UBE2V2: variants seen among roughly 807,000 people sequenced by gnomAD.
UBE2V2 encodes ubiquitin conjugating enzyme E2 V2.
UBE2V2 carries 9 observed loss-of-function variants against 17.2 expected under a neutral mutation model. That is an observed-to-expected ratio of 0.52 (90% confidence interval 0.32 to 0.91). UBE2V2 has a LOEUF of 0.91. Among genes scored for constraint, UBE2V2 ranks in the 40% least tolerant of loss-of-function variants. The pLI is 0.04. For missense variants in UBE2V2, 133 were observed against 182.6 expected, an observed-to-expected ratio of 0.73 and a Z score of 1.56; for synonymous variants, 61 against 57.5, an observed-to-expected ratio of 1.06 and a Z score of -0.28.
At chr8:48,002,085 C>T in the UBE2V2 span, among the ~76,000 whole-genome samples, 1 of 149,986 alleles carries the variant, frequency 6.7e-6, no homozygotes, top group African/African-American at 2.5e-5. Flanking sequence ...GAAACTCCGA[C>T]TCAGAAAAAA....
intron 3 of UBE2V2, among the ~76,000 whole-genome samples, chr8:48,058,980 C>T (rs1188355700): frequency 1.3e-5 from 2 of 152,012 alleles, no homozygotes; most frequent in Non-Finnish European, 2.9e-5. Context: ...GATCTCAGCT[C>T]ACTGCAACCT....
chr8:48,014,979 G>A lies in UBE2V2; in HGVS notation c.16+6509G>A, dbSNP rs138112210. ...GCAGTAGAATGGCATGAACCCGGGA[G>A]GCGGAGCTTGCAGTGAGCTGAGATT... On this transcript the variant is annotated intron_variant, in intron 1 of 3. Transcript: ENST00000523111. Among the ~76,000 whole-genome samples the A allele has an allele frequency of 1.5e-3, 222 of 151,296 alleles. 4 individuals are homozygous for A. The East Asian group carries it at 0.031, about 21-fold the overall frequency.
At chr8:48,010,874 A>G (rs2091224988) in intron 1 of UBE2V2, among the ~76,000 whole-genome samples, 1 of 143,250 alleles carries the variant, frequency 7.0e-6, no homozygotes, top group African/African-American at 2.6e-5. Context: ...ATTTTTTTGT[A>G]TATATATATT....
At chr8:48,050,860 T>C (rs2091532293) in intron 3 of UBE2V2, among the ~76,000 whole-genome samples, 1 of 152,174 alleles carries the variant, frequency 6.6e-6, no homozygotes, top group Admixed American at 6.6e-5. Flanking sequence ...CAGTCATGGC[T>C]GAGCATCATT....
At chr8:48,013,474 AT>A (rs1287936747) in intron 1 of UBE2V2, among the ~76,000 whole-genome samples, 1 of 151,404 alleles carries the variant, frequency 6.6e-6, no homozygotes, top group Non-Finnish European at 1.5e-5. Context: ...TGCCCGGTTA[AT>A]TTTTTTTGTA....
chr8:48,048,482 C>T (rs529418427), intron 2 of UBE2V2, among the ~76,000 whole-genome samples: 1 of 152,114 alleles, frequency 6.6e-6, no homozygotes, highest in Non-Finnish European at 1.5e-5. Flanking sequence ...ATTGCTGTAT[C>T]ATAGGGGAGT....
At chr8:48,010,074 A>G (rs1490490155) in intron 1 of UBE2V2, among the ~76,000 whole-genome samples, 1 of 152,198 alleles carries the variant, frequency 6.6e-6, no homozygotes, top group African/African-American at 2.4e-5. Flanking sequence ...CAATTTTTTC[A>G]TAACACTATA....
At chr8:48,002,835 G>T in the UBE2V2 span, among the ~76,000 whole-genome samples, 1 of 152,078 alleles carries the variant, frequency 6.6e-6, no homozygotes, top group African/African-American at 2.4e-5. Context: ...AATATGATAC[G>T]TATGGTAATG....
At chr8:48,004,932 A>C (rs1329584923), upstream of UBE2V2, among the ~76,000 whole-genome samples, 7 of 148,870 alleles carry the variant, frequency 4.7e-5, no homozygotes, top group Admixed American at 4.0e-4. Context: ...GGCTCAAGTG[A>C]TCCTCCCATC....
intron 1 of UBE2V2, among the ~76,000 whole-genome samples, chr8:48,036,889 A>ATT (rs1563855096): frequency 6.6e-6 from 1 of 151,944 alleles, no homozygotes; most frequent in Non-Finnish European, 1.5e-5. Flanking sequence ...TAGTTAATAT[A>ATT]TATGAGCTGG....
chr8:47,999,724 A>G, the UBE2V2 span, among the ~76,000 whole-genome samples: 2 of 152,146 alleles, frequency 1.3e-5, no homozygotes, highest in Non-Finnish European at 2.9e-5. Context: ...ACTTATAAGT[A>G]AGTATGTAGC....
chr8:48,027,974 C>T (rs936293840), intron 1 of UBE2V2, among the ~76,000 whole-genome samples: 1 of 152,010 alleles, frequency 6.6e-6, no homozygotes, highest in Non-Finnish European at 1.5e-5. Flanking sequence ...CTGCCTCAAC[C>T]TCCCAAGTAG....
At chr8:48,058,195 G>T (rs923314580) in intron 3 of UBE2V2, among the ~76,000 whole-genome samples, 1 of 152,138 alleles carries the variant, frequency 6.6e-6, no homozygotes, top group African/African-American at 2.4e-5. Context: ...TTGGCCGGGC[G>T]TGGTGGCTCA....
intron 1 of UBE2V2, among the ~76,000 whole-genome samples, chr8:48,009,496 C>G (rs898881154): frequency 6.6e-6 from 1 of 152,148 alleles, no homozygotes; most frequent in Non-Finnish European, 1.5e-5. Context: ...GAACTCCTGA[C>G]CTCAGGTGAT....
intron 2 of UBE2V2, chr8:48,049,543 G>A (rs959001444): frequency 1.6e-5 from 3 of 192,126 alleles, no homozygotes; most frequent in African/African-American, 4.7e-5. Context: ...TTCCTTCTTC[G>A]TTCTAATTTG....
chr8:48,020,955 C>T (rs1474462106), intron 1 of UBE2V2, among the ~76,000 whole-genome samples: 2 of 151,028 alleles, frequency 1.3e-5, no homozygotes, highest in Admixed American at 6.6e-5. Flanking sequence ...CTATATTGCC[C>T]AGGCTAGCTT....
At chr8:48,032,541 C>T (rs1240928006) in intron 1 of UBE2V2, among the ~76,000 whole-genome samples, 1 of 152,036 alleles carries the variant, frequency 6.6e-6, no homozygotes, top group Non-Finnish European at 1.5e-5. Context: ...CCCCTTGAGC[C>T]TGGGAGTTTG....
Position 48,043,137 on chromosome 8 carries a change from A to C in UBE2V2, c.121A>C (p.Met41Leu). The C allele has an allele frequency of 6.3e-7, 1 of 1,591,964 alleles. No homozygotes were observed. The highest frequency in any genetic ancestry group is 8.6e-7 in the Non-Finnish European group (1 of 1,166,896). The change falls in exon 2 of 4, where the codon ATG (methionine) becomes CTG (leucine). Residue 41 changes from methionine (M) to leucine (L), a missense_variant. This residue lies in a region of UBE2V2 where 92 missense variants were observed against 124.3 expected (regional missense o/e 0.74). Transcript: ENST00000523111. ...VSWGLEDDED[M>L]TLTRWTGMII... is the part of the protein sequence containing the mutation. Reference sequence around the variant, plus strand: ...CTGGGGCCTTGAAGATGATGAAGATATGACACTTACAAGGTGGACAGGCAT... The same window carrying C: ...CTGGGGCCTTGAAGATGATGAAGATCTGACACTTACAAGGTGGACAGGCAT...
chr8:47,998,561 C>A, the UBE2V2 span, among the ~76,000 whole-genome samples: 26 of 151,750 alleles, frequency 1.7e-4, 1 homozygote, highest in South Asian at 5.5e-3. Flanking sequence ...CTGGCGGAGG[C>A]TTTGATGGTG....
Sources: allele counts gnomAD v4.1 joint callset (sites outside exome capture counted in the v4.1 genomes callset), GRCh38; gene constraint gnomAD v4.1.1; regional missense constraint gnomAD v4.1.1; transcripts MANE v1.5; gene names NCBI Gene and HGNC (gene_info 2026-07-23, HGNC 2026-07-21).